Variants in MIPOL1 observed in about 807,000 individuals in gnomAD.
MIPOL1 encodes mirror-image polydactyly gene 1 protein.
MIPOL1 carries 57 observed loss-of-function variants against 60.9 expected under a neutral mutation model. That is an observed-to-expected ratio of 0.94 (90% confidence interval 0.76 to 1.17). MIPOL1 has a LOEUF of 1.17. MIPOL1 is among the 50% of genes most tolerant of loss of function. The probability of loss-of-function intolerance (pLI) is 0.00; values close to 1 mark genes in which losing one functional copy is unlikely to be tolerated. For synonymous variants in MIPOL1, 179 were observed against 168.8 expected, an observed-to-expected ratio of 1.06 and a Z score of -0.47; for missense variants, 551 against 511.6, an observed-to-expected ratio of 1.08 and a Z score of -0.74.
intron 9 of MIPOL1, among the ~76,000 whole-genome samples, chr14:37,355,418 G>T (rs1291682665): frequency 1.4e-5 from 2 of 147,930 alleles, no homozygotes; most frequent in Non-Finnish European, 3.0e-5. Context: ...TATCTTTGTG[G>T]CGTTCTCTGT....
chr14:37,233,685 A>G (rs1205269385), intron 1 of MIPOL1, among the ~76,000 whole-genome samples: 2 of 152,208 alleles, frequency 1.3e-5, no homozygotes, highest in African/African-American at 4.8e-5. Context: ...CAGAACTCTC[A>G]CAAAATTGCC....
At chr14:37,393,470 A>G (rs1292679929) in intron 10 of MIPOL1, among the ~76,000 whole-genome samples, 1 of 151,292 alleles carries the variant, frequency 6.6e-6, no homozygotes, top group Admixed American at 6.6e-5. Flanking sequence ...TTTTTACTAT[A>G]TGAATACTTG....
At position 37,234,099 on chromosome 14, in the gene MIPOL1, C is replaced by G. The variant is rs190724068; in HGVS notation, c.-198-13004C>G. On this transcript the variant is annotated intron_variant, in intron 1 of 12. Coordinates refer to ENST00000684589, the MANE Select transcript of MIPOL1 (RefSeq NM_001388067.1). ...TTGAAAGCTCTGCTGTTGTCTGCAG[C>G]TGATCTGGGTACAATGGTTTTGGCA... Among the ~76,000 whole-genome samples, 212 of 152,290 alleles carry G rather than the reference C, an allele frequency of 1.4e-3. 1 individual carries two copies. Among genetic ancestry groups the G allele is most frequent in the Non-Finnish European group, 2.5e-3 (167 of 68,024 alleles).
intron 9 of MIPOL1, among the ~76,000 whole-genome samples, chr14:37,363,444 C>A (rs1055464427): frequency 6.6e-6 from 1 of 152,192 alleles, no homozygotes; most frequent in African/African-American, 2.4e-5. Context: ...CCAGTGGAGG[C>A]TGCAGAACAG....
At chr14:37,537,416 T>C (rs1332294257) in intron 12 of MIPOL1, among the ~76,000 whole-genome samples, 1 of 152,160 alleles carries the variant, frequency 6.6e-6, no homozygotes, top group Non-Finnish European at 1.5e-5. Flanking sequence ...TTTTGCATTT[T>C]CTGTAGTATA....
chr14:37,319,156 G>A (rs550034418), intron 9 of MIPOL1, among the ~76,000 whole-genome samples: 2 of 152,142 alleles, frequency 1.3e-5, no homozygotes, highest in African/African-American at 4.8e-5. Flanking sequence ...CTTTGATAAT[G>A]TGGACATGTT....
chr14:37,356,190 C>G (rs529498410), intron 9 of MIPOL1, among the ~76,000 whole-genome samples: 7 of 151,770 alleles, frequency 4.6e-5, no homozygotes, highest in African/African-American at 7.3e-5. Flanking sequence ...TCTGTCCCTG[C>G]TGGGGTGTGC....
intron 7 of MIPOL1, among the ~76,000 whole-genome samples, chr14:37,289,982 T>C (rs1443385616): frequency 6.6e-6 from 1 of 152,208 alleles, no homozygotes; most frequent in Non-Finnish European, 1.5e-5. Flanking sequence ...TTTCACAATA[T>C]CACAGCAGGT....
At chr14:37,498,523 T>A (rs1294523917) in intron 11 of MIPOL1, among the ~76,000 whole-genome samples, 1 of 151,980 alleles carries the variant, frequency 6.6e-6, no homozygotes, top group African/African-American at 2.4e-5. Flanking sequence ...AATAGTAAAA[T>A]GGGCAAGAGA....
At chr14:37,286,968 A>G (rs1196116734) in intron 7 of MIPOL1, among the ~76,000 whole-genome samples, 1 of 152,108 alleles carries the variant, frequency 6.6e-6, no homozygotes, top group African/African-American at 2.4e-5. Flanking sequence ...CATTCTCTAT[A>G]TGTTGTCATA....
At chr14:37,338,411 C>CAT (rs1567535546) in intron 9 of MIPOL1, among the ~76,000 whole-genome samples, 9 of 65,564 alleles carry the variant, frequency 1.4e-4, no homozygotes, top group Non-Finnish European at 2.6e-4. Flanking sequence ...CGCCTGGCCC[C>CAT]CCCTTTTTTT....
At chr14:37,206,778 T>C (rs1292832195) in intron 1 of MIPOL1, among the ~76,000 whole-genome samples, 1 of 152,214 alleles carries the variant, frequency 6.6e-6, no homozygotes, top group Non-Finnish European at 1.5e-5. Context: ...GGAGATAATT[T>C]TGGAGCCTTA....
chr14:37,229,007 T>C (rs1387934611), intron 1 of MIPOL1, among the ~76,000 whole-genome samples: 1 of 151,768 alleles, frequency 6.6e-6, no homozygotes, highest in Non-Finnish European at 1.5e-5. Flanking sequence ...ATGGTAAAGT[T>C]TCTAAAATAA....
At chr14:37,431,634 A>T (rs1428663279) in intron 11 of MIPOL1, among the ~76,000 whole-genome samples, 1 of 111,472 alleles carries the variant, frequency 9.0e-6, no homozygotes, top group Non-Finnish European at 1.6e-5. Context: ...GCTGGAGTGC[A>T]GTGGCGCGAT....
chr14:37,255,733 A>C (rs1334260507), intron 3 of MIPOL1, among the ~76,000 whole-genome samples: 1 of 151,854 alleles, frequency 6.6e-6, no homozygotes, highest in Non-Finnish European at 1.5e-5. Context: ...TGATTGAATT[A>C]AAAATATTCT....
chr14:37,331,237 T>C (rs1038162309), intron 9 of MIPOL1, among the ~76,000 whole-genome samples: 1 of 152,168 alleles, frequency 6.6e-6, no homozygotes, highest in Non-Finnish European at 1.5e-5. Flanking sequence ...TTGACTACTC[T>C]TGGAATCTTG....
chr14:37,340,129 A>C (rs929898773), intron 9 of MIPOL1, among the ~76,000 whole-genome samples: 1 of 151,956 alleles, frequency 6.6e-6, no homozygotes, highest in Non-Finnish European at 1.5e-5. Context: ...CCTGTGTGAA[A>C]TCTTGGTGTC....
chr14:37,526,460 C>T (rs772122414), intron 12 of MIPOL1, among the ~76,000 whole-genome samples: 2 of 150,926 alleles, frequency 1.3e-5, no homozygotes, highest in African/African-American at 2.4e-5. Flanking sequence ...AGCTCCACCT[C>T]CCCGGTTTAC....
intron 6 of MIPOL1, among the ~76,000 whole-genome samples, chr14:37,273,673 A>G (rs901128247): frequency 2.6e-5 from 4 of 151,512 alleles, no homozygotes; most frequent in African/African-American, 9.7e-5. Flanking sequence ...GTTTGGAGCA[A>G]TTGGGAAGAC....
Sources: allele counts gnomAD v4.1 joint callset (sites outside exome capture counted in the v4.1 genomes callset), GRCh38; gene constraint gnomAD v4.1.1; transcripts MANE v1.5; gene names NCBI Gene and HGNC (gene_info 2026-07-23, HGNC 2026-07-21).